Variants in SLC5A7 observed in about 807,000 individuals in gnomAD.
SLC5A7 encodes the protein solute carrier family 5 member 7, also known as high affinity choline transporter 1.
A neutral mutation model predicts 55.4 loss-of-function variants in SLC5A7; 19 were observed. The ratio of observed to expected loss-of-function variants is 0.34; its 90% CI spans 0.24 to 0.50. The LOEUF (loss-of-function observed/expected upper bound fraction) is 0.50. Ranked by LOEUF, SLC5A7 falls within the 20% of genes least tolerant of loss-of-function variation. SLC5A7 has a pLI of 0.98. For missense variants in SLC5A7, 506 were observed against 705.3 expected, an observed-to-expected ratio of 0.72 and a Z score of 3.20; for synonymous variants, 265 against 263.7, an observed-to-expected ratio of 1.00 and a Z score of -0.05.
rs145310206 is a variant in SLC5A7 at position 108,010,494 on chromosome 2, T to G, written c.1376T>G (p.Leu459Trp). ...GGEPYLYLQP[L>W]IFYPGYYPDD... is the part of the protein sequence containing the mutation. ...GAGCCATATCTGTATCTTCAGCCCT[T>G]GATCTTCTACCCTGGCTATTACCCT... The change falls in exon 9 of 9, where the codon TTG (leucine) becomes TGG (tryptophan). Residue 459 changes from leucine (L) to tryptophan (W), a missense_variant. Around this residue, in one of 4 missense-constraint regions of SLC5A7, gnomAD observed 137 missense variants for 143.6 expected, o/e 0.95. Transcript: ENST00000264047. 2 of 1,613,978 alleles carry G rather than the reference T, an allele frequency of 1.2e-6. No homozygotes were observed. Among genetic ancestry groups the G allele is most frequent in the Non-Finnish European group, 1.7e-6 (2 of 1,179,904 alleles).
Position 108,013,036 on chromosome 2 carries a change from A to G in SLC5A7, c.*2175A>G, listed in dbSNP as rs1284594203. On this transcript the variant is annotated 3_prime_UTR_variant, in exon 9 of 9. Transcript: ENST00000264047. The stretch of plus-strand genomic sequence containing the variant: ...AAACACCTCACTCATACTGTCATAT[A>G]ATGCAACAGGGAGGCATAGTCTCTC... 6.6e-6 allele frequency: 1 copy of G among 152,062 alleles called. No homozygotes were observed. Among genetic ancestry groups the G allele is most frequent in the African/African-American group, 2.4e-5 (1 of 41,412 alleles). 9.4% of individuals were successfully genotyped at this position (152,062 alleles called of 1,614,324 possible).
chr2:108,007,495 TG>T (rs1678170413), intron 7 of SLC5A7, among the ~76,000 whole-genome samples: 1 of 151,876 alleles, frequency 6.6e-6, no homozygotes, highest in South Asian at 2.1e-4. Context: ...TGTGTGTGTG[TG>T]TGTGTGTCTG....
chr2:108,000,170 C>A (rs942692434), intron 5 of SLC5A7, among the ~76,000 whole-genome samples: 2 of 152,172 alleles, frequency 1.3e-5, no homozygotes, highest in Non-Finnish European at 1.5e-5. Context: ...CACGCACACA[C>A]ACACACCCCA....
chr2:108,002,202 C>G (rs1461085104), intron 6 of SLC5A7, among the ~76,000 whole-genome samples, 162 bp downstream of exon 6: 3 of 151,986 alleles, frequency 2.0e-5, no homozygotes, highest in East Asian at 1.9e-4. Context: ...GCCGGACTAT[C>G]GTGGCTGGCA....
rs533270986 is a variant in SLC5A7, at chr2:107,994,022, C to T, written c.448+895C>T. Among the ~76,000 whole-genome samples the T allele has an allele frequency of 6.6e-5, 10 of 152,250 alleles. No homozygotes were observed. The East Asian group carries it at 1.9e-3, about 29-fold the overall frequency. On this transcript the variant is annotated intron_variant, in intron 4 of 8. Coordinates refer to ENST00000264047, the MANE Select transcript of SLC5A7 (RefSeq NM_021815.5). ...AATAACTTACATGAGAAAGCTTGCC[C>T]ATGCCTTAGCGTCTCCTCGACTCCA...
chr2:108,006,501 T>C (rs1235792470), intron 7 of SLC5A7, among the ~76,000 whole-genome samples: 2 of 151,586 alleles, frequency 1.3e-5, no homozygotes, highest in East Asian at 3.9e-4. Flanking sequence ...ATTATAGGTG[T>C]GAGCTACTGC....
At chr2:108,008,223 A>T (rs1238028045) in intron 7 of SLC5A7, among the ~76,000 whole-genome samples, 2 of 152,214 alleles carry the variant, frequency 1.3e-5, no homozygotes, top group Non-Finnish European at 2.9e-5. Context: ...GCAGAAAGGA[A>T]ATATATATCT....
intron 1 of SLC5A7, among the ~76,000 whole-genome samples, chr2:107,987,452 A>G (rs932997164): frequency 6.6e-6 from 1 of 152,218 alleles, no homozygotes; most frequent in African/African-American, 2.4e-5. Context: ...GATCAAGAGA[A>G]TGGATCCTTT....
At chr2:107,986,807 T>A (rs1677258349) in intron 1 of SLC5A7, 44 bp downstream of exon 1, 2 of 151,720 alleles carry the variant, frequency 1.3e-5, no homozygotes, top group African/African-American at 4.9e-5. Context: ...GCCCGCACCC[T>A]CGGAAACGCC....
intron 2 of SLC5A7, among the ~76,000 whole-genome samples, chr2:107,991,289 A>G (rs1272250864): frequency 1.3e-5 from 2 of 152,178 alleles, no homozygotes; most frequent in African/African-American, 4.8e-5. Context: ...TTCTTGTCAA[A>G]TAGTAAATAT....
At chr2:107,992,931 C>A (rs1329650318) in intron 3 of SLC5A7, 41 bp from the exon 4 acceptor site, 8 of 1,598,090 alleles carry the variant, frequency 5.0e-6, no homozygotes, top group South Asian at 1.1e-5. Flanking sequence ...TATTATATTA[C>A]ATTCTTTTTA....
At chr2:107,988,762 G>A (rs1334868832) in intron 2 of SLC5A7, among the ~76,000 whole-genome samples, 1 of 152,182 alleles carries the variant, frequency 6.6e-6, no homozygotes, top group East Asian at 1.9e-4. Flanking sequence ...TTAAATAAGT[G>A]CCAATGAATA....
Position 108,008,596 on chromosome 2 carries a change from G to A in SLC5A7, c.1027G>A (p.Ala343Thr), listed in dbSNP as rs140481686. Residue 343 changes from alanine (A) to threonine (T), a missense_variant, in exon 8 of 9, where the codon GCT becomes ACT. By Grantham distance (58) the Ala-to-Thr change is moderately conservative. Transcript: ENST00000264047. Reference protein sequence around the residue: ...SFFGLGAVSAAVMSSADSSIL... With the variant: ...SFFGLGAVSATVMSSADSSIL... Reference sequence around the variant, plus strand: ...CTTTGGTCTTGGTGCAGTTTCTGCTGCTGTTATGTCATCAGCAGATTCTTC... The same window carrying A: ...CTTTGGTCTTGGTGCAGTTTCTGCTACTGTTATGTCATCAGCAGATTCTTC... 3.1e-6 allele frequency: 5 copies of A among 1,613,324 alleles called. No homozygotes were observed. Among genetic ancestry groups the A allele is most frequent in the Non-Finnish European group, 4.2e-6 (5 of 1,179,808 alleles).
At chr2:107,998,831 G>C (rs1677776093) in intron 5 of SLC5A7, among the ~76,000 whole-genome samples, 1 of 152,020 alleles carries the variant, frequency 6.6e-6, no homozygotes, top group African/African-American at 2.4e-5. Context: ...ATTTTCCCAA[G>C]GATGGTTAAG....
At position 108,010,367 on chromosome 2, in the gene SLC5A7, A is replaced by G. The variant is rs904337505; in HGVS notation, c.1249A>G (p.Ile417Val). 4 of 1,613,906 alleles carry G rather than the reference A, an allele frequency of 2.5e-6. No individual in the cohort carries two copies. Among genetic ancestry groups the G allele is most frequent in the Non-Finnish European group, 3.4e-6 (4 of 1,179,912 alleles). The change falls in exon 9 of 9, where the codon ATC (isoleucine) becomes GTC (valine). Residue 417 changes from isoleucine (I) to valine (V), a missense_variant. By Grantham distance (29) the Ile-to-Val change is conservative. Transcript: ENST00000264047. Reference protein sequence around the residue: ...YLSSDLVYIVIFPQLLCVLFV... With the variant: ...YLSSDLVYIVVFPQLLCVLFV... ...CAGTTCTGACCTTGTTTACATCGTT[A>G]TCTTCCCCCAGCTGCTTTGTGTACT...
chr2:107,996,015 G>A (rs139908471), intron 4 of SLC5A7, among the ~76,000 whole-genome samples: 100 of 152,068 alleles, frequency 6.6e-4, no homozygotes, highest in African/African-American at 2.3e-3. Flanking sequence ...AGTGATTGAC[G>A]TCTCTAATAT....
chr2:108,005,217 A>G (rs1441677687), intron 6 of SLC5A7, among the ~76,000 whole-genome samples: 1 of 152,210 alleles, frequency 6.6e-6, no homozygotes, highest in Non-Finnish European at 1.5e-5. Flanking sequence ...AAAACACCAC[A>G]TACATTGACT....
rs1427867846 is a variant in SLC5A7 at position 108,008,578 on chromosome 2, C to G, written c.1009C>G (p.Leu337Val). 6.2e-7 allele frequency: 1 copy of G among 1,613,362 alleles called. No individual in the cohort carries two copies. The highest frequency in any genetic ancestry group is 1.7e-5 in the Admixed American group (1 of 59,874). Residue 337 changes from leucine to valine, a missense_variant, in exon 8 of 9, where the codon CTT becomes GTT. Physicochemically the swap from Leu to Val is conservative, Grantham distance 32. Transcript: ENST00000264047. ...LCPVYISFFG[L>V]GAVSAAVMSS... ...CCCTGTGTATATTTCTTTCTTTGGT[C>G]TTGGTGCAGTTTCTGCTGCTGTTAT... is the stretch of plus-strand genomic sequence containing the variant.
rs1168683437 is a variant in SLC5A7, at chr2:108,011,693, A to C, written c.*832A>C. The C allele has an allele frequency of 6.6e-6, 1 of 152,166 alleles. No individual in the cohort carries two copies. Among genetic ancestry groups the C allele is most frequent in the Non-Finnish European group, 1.5e-5 (1 of 68,024 alleles). The allele number at this position is 152,166 out of a possible 1,614,324, so 9.4% of individuals were successfully genotyped here. A position where few individuals can be genotyped will look rare whatever the true frequency, so the allele number is the denominator to read the frequency against. On this transcript the variant is annotated 3_prime_UTR_variant, in exon 9 of 9. Transcript: ENST00000264047. ...TATATAAAGTTTTGCCCCATGATAA[A>C]ATAAGTAACATATAAATTAATACAT...
Sources: gnomAD v4.1 joint callset for allele counts (sites outside exome capture counted in the v4.1 genomes callset) on GRCh38, gnomAD v4.1.1 for gene constraint, gnomAD v4.1.1 regional missense constraint, MANE v1.5 for transcripts, NCBI Gene and HGNC (gene_info 2026-07-23, HGNC 2026-07-21) for gene names.